SLCO3A1: variants seen among roughly 807,000 people sequenced by gnomAD.
The protein encoded by SLCO3A1 is PGE1 transporter.
SLCO3A1 carries 27 observed loss-of-function variants against 63.1 expected under a neutral mutation model. The observed-to-expected ratio is 0.43, with a 90% CI of 0.32 to 0.59. SLCO3A1 has a LOEUF of 0.59. SLCO3A1 is among the 20% of genes least tolerant of loss of function. The pLI is 0.09. For synonymous variants in SLCO3A1, 473 were observed against 409.9 expected, an observed-to-expected ratio of 1.15 and a Z score of -1.86; for missense variants, 773 against 945.8, an observed-to-expected ratio of 0.82 and a Z score of 2.40.
chr15:91,948,918 A>G lies in SLCO3A1; in HGVS notation c.646+32460A>G, dbSNP rs1360909183. Among the ~76,000 whole-genome samples the G allele has an allele frequency of 2.7e-5, 4 of 150,838 alleles. No individual in the cohort carries two copies. The highest frequency in any genetic ancestry group is 6.6e-5 in the Admixed American group (1 of 15,240). ...GAACCTGTCATCCATTTAGGAATCA[A>G]TACTTTGGTTTTTTTTTTTTTACTA... On this transcript the variant is annotated intron_variant, in intron 2 of 9. Coordinates refer to ENST00000318445, the MANE Select transcript of SLCO3A1 (RefSeq NM_013272.4). This position sits in a 1 kb window ranked among gnomAD's most constrained non-coding sequence, Gnocchi z 4.8.
intron 4 of SLCO3A1, among the ~76,000 whole-genome samples, chr15:92,115,616 CT>C (rs1408212642): frequency 2.0e-5 from 3 of 151,990 alleles, no homozygotes; most frequent in Non-Finnish European, 4.4e-5. Flanking sequence ...GCTCCAGTCA[CT>C]TCCACATCTA....
At chr15:92,144,877 G>A (rs908049961) in intron 7 of SLCO3A1, among the ~76,000 whole-genome samples, 5 of 152,196 alleles carry the variant, frequency 3.3e-5, no homozygotes, top group Non-Finnish European at 7.3e-5. Flanking sequence ...CTGGGCTAAA[G>A]ATGATTAAAT....
chr15:92,093,222 A>C lies in SLCO3A1; in HGVS notation c.647-1659A>C, dbSNP rs537329688. ...TCGGGGTTTTGCAGACAGTACCGGAAGCATGGTGTTGGCATCTGCTCCTGG... is the reference window on the plus strand; with the variant it reads ...TCGGGGTTTTGCAGACAGTACCGGACGCATGGTGTTGGCATCTGCTCCTGG... On this transcript the variant is annotated intron_variant, in intron 2 of 9. Coordinates refer to ENST00000318445, the MANE Select transcript of SLCO3A1 (RefSeq NM_013272.4). Among the ~76,000 whole-genome samples, 7 of 152,356 alleles carry C rather than the reference A, an allele frequency of 4.6e-5. No individual in the cohort carries two copies. In the South Asian group the frequency reaches 1.4e-3, roughly 32 times the overall value.
intron 2 of SLCO3A1, among the ~76,000 whole-genome samples, chr15:92,062,466 G>A (rs916023716): frequency 6.6e-6 from 1 of 152,200 alleles, no homozygotes; most frequent in Non-Finnish European, 1.5e-5. Flanking sequence ...GGAAGGCAAT[G>A]AAGAATCAAG....
chr15:92,059,410 G>A lies in SLCO3A1; in HGVS notation c.647-35471G>A, dbSNP rs377415128. Among the ~76,000 whole-genome samples, 23 of 152,298 alleles carry A rather than the reference G, an allele frequency of 1.5e-4. 1 individual carries two copies. The East Asian group carries it at 2.5e-3, about 17-fold the overall frequency. On this transcript the variant is annotated intron_variant, in intron 2 of 9. Transcript: ENST00000318445. The stretch of plus-strand genomic sequence containing the variant: ...ACACACCACTTTCTCTGGCAGCATG[G>A]GTCCATCCTCAGGAGTGTCACATTC...
Position 92,030,646 on chromosome 15 carries a change from G to A in SLCO3A1, c.647-64235G>A, listed in dbSNP as rs146525883. On this transcript the variant is annotated intron_variant, in intron 2 of 9. Transcript: ENST00000318445. ...TTCAGGTCATCTTTTCTTGGACCTC[G>A]GATTTACAGATGAGGAAAGTGAGGC... 6.6e-5 allele frequency among the ~76,000 whole-genome samples: 10 copies of A among 152,244 alleles called. 1 individual carries two copies. The highest frequency in any genetic ancestry group is 6.2e-4 in the South Asian group (3 of 4,826).
intron 2 of SLCO3A1, among the ~76,000 whole-genome samples, chr15:92,018,888 G>A (rs2046471532): frequency 6.6e-6 from 1 of 152,196 alleles, no homozygotes; most frequent in African/African-American, 2.4e-5. Flanking sequence ...TAATGTGACT[G>A]CAGCATCTGA....
chr15:92,165,182 A>G lies in SLCO3A1; in HGVS notation c.*2047A>G, dbSNP rs1032580726. 9 of 985,328 alleles carry G rather than the reference A, an allele frequency of 9.1e-6. No homozygotes were observed. Among genetic ancestry groups the G allele is most frequent in the Non-Finnish European group, 1.1e-5 (9 of 829,950 alleles). 61.0% of individuals were successfully genotyped at this position (985,328 alleles called of 1,614,324 possible). A position where few individuals can be genotyped will look rare whatever the true frequency, so the allele number is the denominator to read the frequency against. On this transcript the variant is annotated 3_prime_UTR_variant, in exon 10 of 10. Coordinates refer to ENST00000318445, the MANE Select transcript of SLCO3A1 (RefSeq NM_013272.4). The stretch of plus-strand genomic sequence containing the variant: ...AAAAGCTGTGTCGTGGTATGGGGCC[A>G]CCGTGATCAGCTACCTGGGGCAGGA...
rs2046712488 is a variant in SLCO3A1 at position 92,035,370 on chromosome 15, G to A, written c.647-59511G>A. On this transcript the variant is annotated intron_variant, in intron 2 of 9. Transcript: ENST00000318445. ...CAAACTGTGTTTGCTGAAAATCCCT[G>A]TCGTATGGCCCAAAGGGATACAGAA... Among the ~76,000 whole-genome samples the A allele has an allele frequency of 2.0e-5, 3 of 151,882 alleles. No homozygotes were observed. The South Asian group carries it at 6.2e-4, about 32-fold the overall frequency.
chr15:92,020,330 C>G (rs1039366537), intron 2 of SLCO3A1, among the ~76,000 whole-genome samples: 1 of 152,136 alleles, frequency 6.6e-6, no homozygotes. Flanking sequence ...TGTAAAGTCC[C>G]GAAGCCTCTA....
intron 4 of SLCO3A1, among the ~76,000 whole-genome samples, chr15:92,120,153 T>C (rs970632695): frequency 6.6e-6 from 1 of 152,092 alleles, no homozygotes; most frequent in Non-Finnish European, 1.5e-5. Context: ...GATGAAAATA[T>C]CTTCTGACAT....
chr15:92,009,303 C>T (rs28446798), intron 2 of SLCO3A1, among the ~76,000 whole-genome samples: 3,012 of 152,274 alleles, frequency 0.02, 96 homozygotes, highest in African/African-American at 0.069. Context: ...CCAGGGCCCA[C>T]AGCTCAACCA....
Position 92,147,184 on chromosome 15 carries a change from T to C in SLCO3A1, c.1688+25T>C, listed in dbSNP as rs773070346. The C allele has an allele frequency of 7.5e-6, 12 of 1,592,248 alleles. No individual in the cohort carries two copies. In the African/African-American group the frequency reaches 1.4e-4, roughly 18 times the overall value. ...GGTAAGCCCTCGGCACAGCCCCGCC[T>C]CTCCTCCTTTCCACCTGGTGTTCAT... On this transcript the variant is annotated intron_variant, in intron 8 of 9. Coordinates refer to ENST00000318445, the MANE Select transcript of SLCO3A1 (RefSeq NM_013272.4).
chr15:91,969,965 A>G (rs953743435), intron 2 of SLCO3A1, among the ~76,000 whole-genome samples: 7 of 152,192 alleles, frequency 4.6e-5, no homozygotes, highest in South Asian at 2.1e-4. Flanking sequence ...GTGTGTGTCA[A>G]AATCCTCCAG....
At chr15:92,158,660 A>G (rs1429443708) in intron 9 of SLCO3A1, among the ~76,000 whole-genome samples, 1 of 152,208 alleles carries the variant, frequency 6.6e-6, no homozygotes, top group Non-Finnish European at 1.5e-5. Context: ...AGTGACGAAC[A>G]TATAAGGATG....
chr15:91,926,027 A>G (rs1381195255), intron 2 of SLCO3A1, among the ~76,000 whole-genome samples: 1 of 152,236 alleles, frequency 6.6e-6, no homozygotes, highest in Non-Finnish European at 1.5e-5. Context: ...ATAGGGATAG[A>G]GTCCAGGGGA....
intron 1 of SLCO3A1, among the ~76,000 whole-genome samples, chr15:91,904,328 G>A (rs753379741): frequency 6.6e-6 from 1 of 152,220 alleles, no homozygotes; most frequent in Non-Finnish European, 1.5e-5. Flanking sequence ...TCCTGGGGGA[G>A]CGAGACCAAG....
chr15:92,005,845 C>T (rs1354921421), intron 2 of SLCO3A1, among the ~76,000 whole-genome samples: 2 of 152,178 alleles, frequency 1.3e-5, no homozygotes, highest in Admixed American at 6.6e-5. Context: ...GTACTCAAGC[C>T]ATGGAATCAA....
rs115368636 is a variant in SLCO3A1, at chr15:91,980,145, G to T, written c.646+63687G>T. Among the ~76,000 whole-genome samples the T allele has an allele frequency of 4.2e-3, 633 of 152,118 alleles. 8 individuals are homozygous for T. The highest frequency in any genetic ancestry group is 0.015 in the African/African-American group (606 of 41,488). On this transcript the variant is annotated intron_variant, in intron 2 of 9. Transcript: ENST00000318445. ...GACTGCATTGTTAACAAGTCCTCTC[G>T]GCCTCAGCTGTCCCTGTGTGACTAC...
Sources: gnomAD v4.1 joint callset for allele counts (sites outside exome capture counted in the v4.1 genomes callset) on GRCh38, gnomAD v4.1.1 for gene constraint, Gnocchi (gnomAD v3.1) non-coding constraint, MANE v1.5 for transcripts, NCBI Gene and HGNC (gene_info 2026-07-23, HGNC 2026-07-21) for gene names.